GRM1: variants seen among roughly 807,000 people sequenced by gnomAD.
GRM1 encodes metabotropic glutamate receptor 1.
In GRM1, 33 loss-of-function variants were observed where a neutral mutation model predicts 90.9. The observed-to-expected ratio is 0.36, with a 90% CI of 0.28 to 0.49. GRM1 has a LOEUF of 0.49. Among genes scored for constraint, GRM1 ranks in the 20% least tolerant of loss-of-function variants. GRM1 has a pLI of 0.99. For synonymous variants in GRM1, 700 were observed against 613.2 expected (o/e 1.14, Z -2.09); for missense variants, 1,190 against 1,534.3 (o/e 0.78, Z 3.75).
intron 2 of GRM1, among the ~76,000 whole-genome samples, chr6:146,182,346 G>A (rs1447606522): frequency 6.6e-6 from 1 of 152,054 alleles, no homozygotes; most frequent in African/African-American, 2.4e-5. Flanking sequence ...AATTCTAAAC[G>A]ACAGGTGGAT....
At chr6:146,232,593 C>A (rs1445665680) in intron 2 of GRM1, among the ~76,000 whole-genome samples, 1 of 151,936 alleles carries the variant, frequency 6.6e-6, no homozygotes, top group African/African-American at 2.4e-5. Flanking sequence ...ACTGTAGTCA[C>A]CCTGTTGTGT....
chr6:146,371,051 G>T (rs1775881084), intron 5 of GRM1, among the ~76,000 whole-genome samples: 1 of 151,556 alleles, frequency 6.6e-6, no homozygotes, highest in African/African-American at 2.4e-5. Context: ...TTCTCTCATA[G>T]TCTATATTAT....
chr6:146,142,968 C>T (rs1248621655), intron 1 of GRM1, among the ~76,000 whole-genome samples: 1 of 152,180 alleles, frequency 6.6e-6, no homozygotes, highest in African/African-American at 2.4e-5. Context: ...AAAGTAGTCT[C>T]CCATCATAGC....
At chr6:146,159,273 C>G in intron 1 of GRM1, 75 bp from the exon 2 acceptor site, 1 of 1,583,618 alleles carries the variant, frequency 6.3e-7, no homozygotes, top group Non-Finnish European at 8.7e-7. Flanking sequence ...CTGTGACTAA[C>G]AAGTTGTTAT....
intron 7 of GRM1, among the ~76,000 whole-genome samples, chr6:146,406,243 C>G (rs1022753165): frequency 1.6e-4 from 24 of 152,138 alleles, no homozygotes; most frequent in African/African-American, 5.1e-4. Flanking sequence ...AATGAAGCAC[C>G]AACTCTGAGG....
Position 146,052,038 on chromosome 6 carries a change from A to G in GRM1, c.700+21821A>G, listed in dbSNP as rs999585901. Among the ~76,000 whole-genome samples, 18 of 152,196 alleles carry G rather than the reference A, an allele frequency of 1.2e-4. 1 individual carries two copies. Among genetic ancestry groups the G allele is most frequent in the Admixed American group, 8.5e-4 (13 of 15,266 alleles). Reference sequence around the variant, plus strand: ...ATATCTTATATCTCTTCTGATTTATATAGCACTTATTACAACTCCTTGTAC... The same window carrying G: ...ATATCTTATATCTCTTCTGATTTATGTAGCACTTATTACAACTCCTTGTAC... On this transcript the variant is annotated intron_variant, in intron 1 of 7. Coordinates refer to ENST00000282753, the MANE Select transcript of GRM1 (RefSeq NM_001278064.2).
In GRM1 at chr6:146,410,614, C is replaced by T. The variant is rs115222106; in HGVS notation, c.2660+10915C>T. ...GCACCTAGAGGGCCTCTAGTAAAGGCCTTGGAGGTAGGGAAGGTCTACGAA... is the reference window on the plus strand; with the variant it reads ...GCACCTAGAGGGCCTCTAGTAAAGGTCTTGGAGGTAGGGAAGGTCTACGAA... On this transcript the variant is annotated intron_variant, in intron 7 of 7. Coordinates refer to ENST00000282753, the MANE Select transcript of GRM1 (RefSeq NM_001278064.2). Among the ~76,000 whole-genome samples, 1,066 of 152,080 alleles carry T rather than the reference C, an allele frequency of 7.0e-3. 14 individuals are homozygous for T. Among genetic ancestry groups the T allele is most frequent in the African/African-American group, 0.025 (1,031 of 41,476 alleles).
chr6:146,133,213 T>G (rs1776475694), intron 1 of GRM1, among the ~76,000 whole-genome samples: 1 of 152,228 alleles, frequency 6.6e-6, no homozygotes, highest in African/African-American at 2.4e-5. Flanking sequence ...GGAGATCTAG[T>G]CCTACAACTG....
At chr6:146,244,467 T>A (rs1187130700) in intron 2 of GRM1, among the ~76,000 whole-genome samples, 1 of 152,158 alleles carries the variant, frequency 6.6e-6, no homozygotes, top group Non-Finnish European at 1.5e-5. Flanking sequence ...GTTCAGTAAA[T>A]GTCTAGGTGT....
chr6:146,371,662 G>A (rs912990315), intron 5 of GRM1, among the ~76,000 whole-genome samples: 5 of 152,008 alleles, frequency 3.3e-5, no homozygotes, highest in East Asian at 1.9e-4. Context: ...TACTATGTCC[G>A]TGAGTTCAAT....
At chr6:146,313,318 T>G (rs1018352095) in intron 3 of GRM1, among the ~76,000 whole-genome samples, 4 of 152,206 alleles carry the variant, frequency 2.6e-5, no homozygotes, top group Non-Finnish European at 5.9e-5. Context: ...TTCTTCTTAT[T>G]GAATAAAATA....
chr6:146,064,574 A>T (rs1775780319), intron 1 of GRM1, among the ~76,000 whole-genome samples: 1 of 152,082 alleles, frequency 6.6e-6, no homozygotes, highest in African/African-American at 2.4e-5. Context: ...TTATCAGTAT[A>T]TAGTATCTGT....
chr6:146,404,562 T>C (rs1777270331), intron 7 of GRM1, among the ~76,000 whole-genome samples: 1 of 152,114 alleles, frequency 6.6e-6, no homozygotes, highest in Admixed American at 6.5e-5. Context: ...ATAAAGCATG[T>C]TTTTCAACTG....
intron 2 of GRM1, among the ~76,000 whole-genome samples, chr6:146,247,800 GTGTGTATA>G (rs1158945353): frequency 7.6e-6 from 1 of 131,030 alleles, no homozygotes; most frequent in African/African-American, 3.1e-5. Context: ...GTGTGTGTGT[GTGTGTATA>G]TATATATATA....
intron 1 of GRM1, among the ~76,000 whole-genome samples, chr6:146,112,341 G>T (rs1365207899): frequency 6.6e-6 from 1 of 151,402 alleles, no homozygotes; most frequent in Non-Finnish European, 1.5e-5. Context: ...ATTTTGGAAA[G>T]GGACTATCTT....
At chr6:146,243,584 G>A (rs1003982252) in intron 2 of GRM1, among the ~76,000 whole-genome samples, 4 of 152,174 alleles carry the variant, frequency 2.6e-5, no homozygotes, top group Non-Finnish European at 5.9e-5. Context: ...TAGGGTGTGG[G>A]TCACAGAGAT....
At chr6:146,412,784 A>G (rs75201514) in intron 7 of GRM1, among the ~76,000 whole-genome samples, 1,939 of 152,264 alleles carry the variant, frequency 0.013, 47 homozygotes, top group African/African-American at 0.045. Context: ...CATGATAGTC[A>G]TACAAATGTC....
At chr6:146,310,110 T>C (rs1033227339) in intron 3 of GRM1, among the ~76,000 whole-genome samples, 7 of 152,252 alleles carry the variant, frequency 4.6e-5, no homozygotes, top group Admixed American at 2.0e-4. Context: ...TATCTAATTC[T>C]CACCAACAGC....
At chr6:146,220,133 T>C (rs1390389319) in intron 2 of GRM1, among the ~76,000 whole-genome samples, 1 of 152,152 alleles carries the variant, frequency 6.6e-6, no homozygotes, top group Admixed American at 6.6e-5. Flanking sequence ...TGCATTTAAA[T>C]TTTTGGATAC....
Sources: gnomAD v4.1 joint callset for allele counts (sites outside exome capture counted in the v4.1 genomes callset) on GRCh38, gnomAD v4.1.1 for gene constraint, MANE v1.5 for transcripts, NCBI Gene and HGNC (gene_info 2026-07-23, HGNC 2026-07-21) for gene names.